Variants in PKP4 observed in about 807,000 individuals in gnomAD.
PKP4 encodes plakophilin-4.
In PKP4, 90 loss-of-function variants were observed where a neutral mutation model predicts 145.1. The ratio of observed to expected loss-of-function variants is 0.62; its 90% CI spans 0.52 to 0.74. PKP4 has a LOEUF of 0.74. Ranked by LOEUF, PKP4 falls within the 30% of genes least tolerant of loss-of-function variation. The pLI is 0.00. For missense variants in PKP4, 1,340 were observed against 1,482.7 expected (o/e 0.90, Z 1.58); for synonymous variants, 563 against 577.2 (o/e 0.98, Z 0.35).
At position 158,640,689 on chromosome 2, in the gene PKP4, C is replaced by G; in HGVS notation, c.1625C>G (p.Pro542Arg). 6.2e-7 allele frequency: 1 copy of G among 1,614,064 alleles called. No homozygotes were observed. Among genetic ancestry groups the G allele is most frequent in the Non-Finnish European group, 8.5e-7 (1 of 1,179,982 alleles). Residue 542 changes from proline (P) to arginine (R), a missense_variant, in exon 10 of 22, where the codon CCA (proline) becomes CGA (arginine). Coordinates refer to ENST00000389759, the MANE Select transcript of PKP4 (RefSeq NM_003628.6). Reference protein sequence around the residue: ...EVIHMLQHQFPSVQANAAAYL... With the variant: ...EVIHMLQHQFRSVQANAAAYL... Reference sequence around the variant, plus strand: ...ATTCACATGCTTCAGCACCAGTTCCCATCTGTTCAGGCAAATGCAGCGGCC... The same window carrying G: ...ATTCACATGCTTCAGCACCAGTTCCGATCTGTTCAGGCAAATGCAGCGGCC...
intron 1 of PKP4, among the ~76,000 whole-genome samples, chr2:158,511,537 T>G (rs1040348725): frequency 1.3e-5 from 2 of 152,118 alleles, no homozygotes; most frequent in African/African-American, 4.8e-5. Context: ...AATTAGTAAA[T>G]GGGAGAATTT....
intron 1 of PKP4, among the ~76,000 whole-genome samples, chr2:158,489,153 G>C (rs1322513041): frequency 6.6e-6 from 1 of 151,926 alleles, no homozygotes; most frequent in Non-Finnish European, 1.5e-5. Flanking sequence ...ATACAGTAGA[G>C]TCATTTTTTT....
At chr2:158,643,110 G>A (rs567634675) in intron 11 of PKP4, among the ~76,000 whole-genome samples, 12 of 152,060 alleles carry the variant, frequency 7.9e-5, no homozygotes, top group Non-Finnish European at 1.8e-4. Flanking sequence ...GTATTCCCAC[G>A]TACTTTACTA....
At chr2:158,502,425 G>A (rs148785851) in intron 1 of PKP4, among the ~76,000 whole-genome samples, 60 of 152,186 alleles carry the variant, frequency 3.9e-4, no homozygotes, top group African/African-American at 1.4e-3. Flanking sequence ...TAGTGCCCTG[G>A]GCTGGAAATT....
At chr2:158,537,224 C>T (rs1380374235) in intron 2 of PKP4, among the ~76,000 whole-genome samples, 1 of 152,114 alleles carries the variant, frequency 6.6e-6, no homozygotes, top group Non-Finnish European at 1.5e-5. Context: ...TGCACTATAT[C>T]CATATTGATA....
At position 158,634,275 on chromosome 2, in the gene PKP4, T is replaced by C. The variant is rs2053631590; in HGVS notation, c.1548T>C (p.Ile516=). The C allele has an allele frequency of 6.2e-7, 1 of 1,613,914 alleles. No homozygotes were observed. Residue 516 remains isoleucine, a synonymous_variant, in exon 9 of 22, where the codon ATT becomes ATC. Transcript: ENST00000389759. ...GTTRSPSIDS[I]QKDPREFAWR... ...CAAGATCCCCATCAATAGACAGCAT[T>C]CAGAAGGACCCCAGGCGAGTACCAG... is the stretch of plus-strand genomic sequence containing the variant.
intron 1 of PKP4, among the ~76,000 whole-genome samples, chr2:158,528,647 AAAG>A (rs1275064224): frequency 2.2e-5 from 3 of 137,408 alleles, no homozygotes; most frequent in Non-Finnish European, 4.7e-5. Context: ...AAAAAAAAAA[AAAG>A]AAAAGAAACT....
chr2:158,510,131 A>AT (rs2041370412), intron 1 of PKP4, among the ~76,000 whole-genome samples: 1 of 152,222 alleles, frequency 6.6e-6, no homozygotes, highest in South Asian at 2.1e-4. Flanking sequence ...ATGAAATCTG[A>AT]TTCTTTCTGA....
chr2:158,487,567 T>C (rs1694346188), intron 1 of PKP4, among the ~76,000 whole-genome samples: 2 of 152,226 alleles, frequency 1.3e-5, no homozygotes, highest in South Asian at 4.1e-4. Context: ...TTTAAAGTTT[T>C]GGTTTGTTCA....
chr2:158,662,809 T>G (rs1454160442), intron 13 of PKP4, 88 bp from the exon 14 acceptor site: 10 of 967,624 alleles, frequency 1.0e-5, no homozygotes, highest in Non-Finnish European at 1.2e-5. Flanking sequence ...ATATTTCCCA[T>G]TTATTTCCTG....
intron 2 of PKP4, among the ~76,000 whole-genome samples, chr2:158,568,515 A>G (rs922866757): frequency 1.3e-5 from 2 of 152,168 alleles, no homozygotes; most frequent in African/African-American, 4.8e-5. Flanking sequence ...GGGTAAGGCC[A>G]TGGTTTACCC....
intron 11 of PKP4, among the ~76,000 whole-genome samples, chr2:158,646,485 T>C (rs1188131680): frequency 2.6e-5 from 4 of 152,188 alleles, no homozygotes; most frequent in Non-Finnish European, 5.9e-5. Context: ...GCATAGTTGC[T>C]TTTTTTGTGT....
chr2:158,660,640 A>G (rs943946142), intron 12 of PKP4: 4 of 152,580 alleles, frequency 2.6e-5, no homozygotes, highest in Non-Finnish European at 4.4e-5. Context: ...TTTGGTATCA[A>G]TTTATGAAGG....
chr2:158,638,712 T>C (rs1324463970), intron 9 of PKP4, among the ~76,000 whole-genome samples: 1 of 152,060 alleles, frequency 6.6e-6, no homozygotes, highest in Non-Finnish European at 1.5e-5. Flanking sequence ...CTGGGCAAAA[T>C]GGAGAAAATG....
chr2:158,538,230 A>G (rs1001038953), intron 2 of PKP4, among the ~76,000 whole-genome samples: 2 of 152,320 alleles, frequency 1.3e-5, no homozygotes, highest in South Asian at 2.1e-4. Context: ...TCACAGGCAC[A>G]AGGAAACAGT....
chr2:158,586,398 T>C (rs1331214034), intron 3 of PKP4, among the ~76,000 whole-genome samples: 2 of 152,212 alleles, frequency 1.3e-5, no homozygotes, highest in Non-Finnish European at 2.9e-5. Flanking sequence ...TAAATGCTTG[T>C]TTATTGGTGG....
At position 158,680,721 on chromosome 2, in the gene PKP4, T is replaced by C. The variant is rs750535375; in HGVS notation, c.*44T>C. The C allele has an allele frequency of 4.4e-5, 67 of 1,524,482 alleles. No individual in the cohort carries two copies. The South Asian group carries it at 8.6e-4, about 20-fold the overall frequency. The allele number at this position is 1,524,482 out of a possible 1,614,324, so 94.4% of individuals were successfully genotyped here. On this transcript the variant is annotated 3_prime_UTR_variant, in exon 22 of 22. Transcript: ENST00000389759. ...AGGAACTCTTTCTTTCTAACCTTGT[T>C]CAGATTGAGGTGAAAAGTCCATCTT...
intron 3 of PKP4, among the ~76,000 whole-genome samples, chr2:158,586,837 T>C (rs932094874): frequency 6.6e-6 from 1 of 152,160 alleles, no homozygotes; most frequent in African/African-American, 2.4e-5. Flanking sequence ...GACATACAAA[T>C]CCAAATGACA....
chr2:158,523,158 A>G (rs1354483276), intron 1 of PKP4, among the ~76,000 whole-genome samples: 4 of 151,994 alleles, frequency 2.6e-5, no homozygotes, highest in Admixed American at 2.0e-4. Flanking sequence ...CTGCCTCTGT[A>G]GGCTCCACCT....
Sources: allele counts gnomAD v4.1 joint callset (sites outside exome capture counted in the v4.1 genomes callset), GRCh38; gene constraint gnomAD v4.1.1; transcripts MANE v1.5; gene names NCBI Gene and HGNC (gene_info 2026-07-23, HGNC 2026-07-21).